The following METTL15 variants were observed in gnomAD, a reference collection of about 807,000 sequenced individuals.
The protein encoded by METTL15 is methyltransferase 15, mitochondrial 12S rRNA N4-cytidine.
METTL15 carries 34 observed loss-of-function variants against 38.3 expected under a neutral mutation model. The ratio of observed to expected loss-of-function variants is 0.89; its 90% confidence interval spans 0.68 to 1.18. The LOEUF is 1.18. Among genes scored for constraint, METTL15 ranks in the 50% most tolerant of loss-of-function variants. The probability of loss-of-function intolerance (pLI) is 0.00; values close to 1 mark genes in which losing one functional copy is unlikely to be tolerated. For synonymous variants in METTL15, 162 were observed against 170.9 expected, an observed-to-expected ratio of 0.95 and a Z score of 0.41; for missense variants, 438 against 498.4, an observed-to-expected ratio of 0.88 and a Z score of 1.15.
chr11:28,493,534 A>G (rs1371537988), intron 6 of METTL15, among the ~76,000 whole-genome samples: 1 of 152,204 alleles, frequency 6.6e-6, no homozygotes, highest in Non-Finnish European at 1.5e-5. Context: ...GACTCTGGTT[A>G]TTATTAAAAT....
intron 6 of METTL15, among the ~76,000 whole-genome samples, chr11:28,494,855 C>A (rs180785813): frequency 6.6e-6 from 1 of 152,288 alleles, no homozygotes; most frequent in Admixed American, 6.5e-5. Flanking sequence ...AACTGGGAGT[C>A]AATTAAGCCT....
chr11:28,488,335 GT>G (rs879364607), intron 6 of METTL15, among the ~76,000 whole-genome samples: 2 of 151,554 alleles, frequency 1.3e-5, no homozygotes, highest in Non-Finnish European at 2.9e-5. Flanking sequence ...TCCTGTTGCT[GT>G]TTTTTTTCTA....
chr11:28,399,243 C>T (rs944391592), intron 5 of METTL15, among the ~76,000 whole-genome samples: 2 of 151,986 alleles, frequency 1.3e-5, no homozygotes, highest in Admixed American at 6.6e-5. Flanking sequence ...ACTGGCCAGC[C>T]ATTTGCAGAA....
chr11:28,375,874 T>C (rs1850305013), intron 5 of METTL15, among the ~76,000 whole-genome samples: 1 of 151,828 alleles, frequency 6.6e-6, no homozygotes, highest in Admixed American at 6.6e-5. Context: ...GTGTCTTTGT[T>C]CTCGTTGGTT....
intron 6 of METTL15, among the ~76,000 whole-genome samples, chr11:28,467,224 T>C (rs1442640127): frequency 6.6e-6 from 1 of 152,162 alleles, no homozygotes; most frequent in Non-Finnish European, 1.5e-5. Context: ...GGTGGCTTCT[T>C]ATAATGGCAG....
downstream of METTL15, among the ~76,000 whole-genome samples, chr11:28,528,170 T>G (rs1332263658): frequency 6.6e-6 from 1 of 152,260 alleles, no homozygotes; most frequent in African/African-American, 2.4e-5. Flanking sequence ...TCTTTTCTCA[T>G]GTATTGGAAA....
At chr11:28,511,331 T>C (rs150782666) in intron 6 of METTL15, among the ~76,000 whole-genome samples, 22 of 152,380 alleles carry the variant, frequency 1.4e-4, no homozygotes, top group African/African-American at 4.8e-4. Context: ...ATGTATTATA[T>C]ATACTGTATT....
intron 4 of METTL15, among the ~76,000 whole-genome samples, chr11:28,214,499 A>G (rs1460557187): frequency 6.6e-6 from 1 of 152,218 alleles, no homozygotes; most frequent in Non-Finnish European, 1.5e-5. Flanking sequence ...CATGAAGATG[A>G]GATGTTCCGT....
chr11:28,380,334 A>T (rs1850368968), intron 5 of METTL15, among the ~76,000 whole-genome samples: 1 of 151,824 alleles, frequency 6.6e-6, no homozygotes, highest in South Asian at 2.1e-4. Context: ...CGCCCGGCTA[A>T]GTTTTTCGTA....
intron 4 of METTL15, among the ~76,000 whole-genome samples, chr11:28,262,744 G>A (rs1034075947): frequency 6.6e-6 from 1 of 152,056 alleles, no homozygotes; most frequent in East Asian, 1.9e-4. Context: ...CAGTGTGTCT[G>A]TATAGTAGCC....
chr11:28,245,321 G>T (rs1472483774), intron 4 of METTL15, among the ~76,000 whole-genome samples: 1 of 152,142 alleles, frequency 6.6e-6, no homozygotes, highest in Non-Finnish European at 1.5e-5. Context: ...GCAAATTCCT[G>T]TGGCCATAAA....
intron 5 of METTL15, among the ~76,000 whole-genome samples, chr11:28,393,488 A>G (rs1198129915): frequency 2.0e-5 from 3 of 152,088 alleles, no homozygotes; most frequent in African/African-American, 4.8e-5. Flanking sequence ...TTGATGTTAG[A>G]TGCCAGCTGG....
intron 6 of METTL15, among the ~76,000 whole-genome samples, chr11:28,490,003 C>T (rs1384340578): frequency 2.0e-5 from 3 of 151,962 alleles, no homozygotes; most frequent in Non-Finnish European, 4.4e-5. Context: ...GAAGCATTTA[C>T]AGTGGTGCTA....
At chr11:28,513,243 C>G (rs1162504187) in intron 6 of METTL15, among the ~76,000 whole-genome samples, 3 of 152,156 alleles carry the variant, frequency 2.0e-5, no homozygotes, top group African/African-American at 7.2e-5. Flanking sequence ...AATGTGCAGG[C>G]CATCCTCTAA....
intron 4 of METTL15, among the ~76,000 whole-genome samples, chr11:28,215,812 C>G (rs1303065449): frequency 6.6e-6 from 1 of 152,106 alleles, no homozygotes; most frequent in Non-Finnish European, 1.5e-5. Context: ...GCAGGAGGAT[C>G]TCTTGAGCTC....
intron 3 of METTL15, among the ~76,000 whole-genome samples, chr11:28,155,966 G>A (rs775398688): frequency 2.0e-4 from 30 of 152,228 alleles, no homozygotes; most frequent in Admixed American, 8.5e-4. Flanking sequence ...AATTAATAGC[G>A]CGATCTTCAT....
At chr11:28,171,878 A>G (rs1423127226) in intron 3 of METTL15, among the ~76,000 whole-genome samples, 16 of 151,264 alleles carry the variant, frequency 1.1e-4, no homozygotes, top group African/African-American at 7.3e-5. Flanking sequence ...CACAACCTCA[A>G]TCTCCTGGGC....
chr11:28,482,545 A>T (rs904009825), intron 6 of METTL15, among the ~76,000 whole-genome samples: 1 of 152,198 alleles, frequency 6.6e-6, no homozygotes, highest in African/African-American at 2.4e-5. Flanking sequence ...AAATATTAAA[A>T]CAAGTTCTAT....
chr11:28,126,513 G>A (rs565975671), intron 3 of METTL15, among the ~76,000 whole-genome samples: 1 of 152,136 alleles, frequency 6.6e-6, no homozygotes, highest in East Asian at 1.9e-4. Flanking sequence ...ATTGAATGGA[G>A]GAATGAAAAG....
Sources: gnomAD v4.1 joint callset for allele counts (sites outside exome capture counted in the v4.1 genomes callset) on GRCh38, gnomAD v4.1.1 for gene constraint, MANE v1.5 for transcripts, NCBI Gene and HGNC (gene_info 2026-07-23, HGNC 2026-07-21) for gene names.